The following GULP1 variants were observed in gnomAD, a reference collection of about 807,000 sequenced individuals.
The protein encoded by GULP1 is GULP PTB domain containing engulfment adaptor 1, also known as PTB domain-containing engulfment adapter protein 1.
A neutral mutation model predicts 40.9 loss-of-function variants in GULP1; 19 were observed. The observed-to-expected ratio is 0.46, with a 90% confidence interval of 0.32 to 0.68. The LOEUF is 0.68. Among genes scored for constraint, GULP1 ranks in the 30% least tolerant of loss-of-function variants. The pLI is 0.03. For synonymous variants in GULP1, 119 were observed against 117.6 expected, an observed-to-expected ratio of 1.01 and a Z score of -0.08; for missense variants, 312 against 362.2, an observed-to-expected ratio of 0.86 and a Z score of 1.12.
chr2:188,411,930 A>G (rs1286396925), intron 2 of GULP1, among the ~76,000 whole-genome samples: 3 of 152,154 alleles, frequency 2.0e-5, no homozygotes, highest in African/African-American at 4.8e-5. Context: ...ATTGTGCAGA[A>G]CCATCTGTAA....
At chr2:188,546,381 A>C (rs972559438) in intron 7 of GULP1, among the ~76,000 whole-genome samples, 1 of 152,054 alleles carries the variant, frequency 6.6e-6, no homozygotes, top group Non-Finnish European at 1.5e-5. Flanking sequence ...TTCTCTGACT[A>C]TAAGGAAATC....
At chr2:188,377,188 A>T (rs1350160123) in intron 1 of GULP1, among the ~76,000 whole-genome samples, 1 of 152,138 alleles carries the variant, frequency 6.6e-6, no homozygotes, top group Admixed American at 6.5e-5. Flanking sequence ...AAAAAAAGAA[A>T]GAATTTGAGA....
intron 1 of GULP1, among the ~76,000 whole-genome samples, chr2:188,358,588 A>T (rs1443478010): frequency 5.9e-5 from 9 of 152,134 alleles, no homozygotes; most frequent in Admixed American, 3.9e-4. Context: ...TGTATCATGT[A>T]TTGAAATAGC....
At chr2:188,463,451 C>T (rs1279646817) in intron 2 of GULP1, among the ~76,000 whole-genome samples, 1 of 152,094 alleles carries the variant, frequency 6.6e-6, no homozygotes, top group Non-Finnish European at 1.5e-5. Flanking sequence ...CTTTCTTTAT[C>T]CTTGACCTTT....
At chr2:188,369,524 T>C (rs2047320607) in intron 1 of GULP1, among the ~76,000 whole-genome samples, 1 of 152,066 alleles carries the variant, frequency 6.6e-6, no homozygotes, top group Non-Finnish European at 1.5e-5. Context: ...ACGTAACTAG[T>C]GTGGCTCTTC....
At chr2:188,562,418 T>C (rs1235186238) in intron 7 of GULP1, among the ~76,000 whole-genome samples, 1 of 152,194 alleles carries the variant, frequency 6.6e-6, no homozygotes, top group Non-Finnish European at 1.5e-5. Context: ...CCTTCCTTGC[T>C]TTTGGTGTTT....
chr2:188,456,403 C>G (rs1421211368), intron 2 of GULP1, among the ~76,000 whole-genome samples: 2 of 152,170 alleles, frequency 1.3e-5, no homozygotes, highest in Non-Finnish European at 2.9e-5. Flanking sequence ...TCCATCCCAG[C>G]CGCTCCGCCA....
intron 7 of GULP1, among the ~76,000 whole-genome samples, chr2:188,561,042 C>T (rs1306312026): frequency 1.3e-5 from 2 of 152,200 alleles, no homozygotes; most frequent in Non-Finnish European, 2.9e-5. Context: ...CAGCTATAAA[C>T]AGCATTAGTG....
At chr2:188,296,582 A>AGT (rs71399272) in intron 1 of GULP1, among the ~76,000 whole-genome samples, 88,425 of 151,552 alleles carry the variant, frequency 0.58, 26,398 homozygotes, top group East Asian at 0.9. Flanking sequence ...ACTTAAAAAT[A>AGT]GTTTTGAAAA....
At chr2:188,354,764 C>G (rs2045037116) in intron 1 of GULP1, among the ~76,000 whole-genome samples, 1 of 152,090 alleles carries the variant, frequency 6.6e-6, no homozygotes, top group Non-Finnish European at 1.5e-5. Flanking sequence ...TTAATCAGCA[C>G]ATGAAACATT....
At chr2:188,407,272 A>G (rs559992598) in intron 2 of GULP1, among the ~76,000 whole-genome samples, 1 of 152,376 alleles carries the variant, frequency 6.6e-6, no homozygotes, top group South Asian at 2.1e-4. Context: ...CTCAAAGCTT[A>G]AAGAAAAGGA....
At chr2:188,524,123 A>G (rs1198380894) in intron 5 of GULP1, among the ~76,000 whole-genome samples, 1 of 152,168 alleles carries the variant, frequency 6.6e-6, no homozygotes, top group African/African-American at 2.4e-5. Context: ...CTTCACTACA[A>G]TCAGAATGTT....
chr2:188,498,000 C>T (rs1307024360), intron 4 of GULP1, among the ~76,000 whole-genome samples: 2 of 151,840 alleles, frequency 1.3e-5, no homozygotes, highest in East Asian at 3.9e-4. Flanking sequence ...TCCACACATT[C>T]CAGAGATATC....
chr2:188,392,271 A>G (rs111428290), intron 2 of GULP1, among the ~76,000 whole-genome samples: 28 of 151,072 alleles, frequency 1.9e-4, no homozygotes, highest in Admixed American at 6.0e-4. Context: ...TATGAATTCA[A>G]TTTCACTGCT....
At chr2:188,410,460 T>C (rs2053713355) in intron 2 of GULP1, among the ~76,000 whole-genome samples, 1 of 152,144 alleles carries the variant, frequency 6.6e-6, no homozygotes, top group African/African-American at 2.4e-5. Context: ...AAGGGGTTAA[T>C]AGCCAAATAT....
intron 2 of GULP1, among the ~76,000 whole-genome samples, chr2:188,401,061 C>A (rs73040414): frequency 0.02 from 2,984 of 151,550 alleles, 98 homozygotes; most frequent in African/African-American, 0.068. Flanking sequence ...TGTTCAATAG[C>A]CAGTTGTCTA....
intron 3 of GULP1, among the ~76,000 whole-genome samples, chr2:188,480,164 G>T (rs113960548): frequency 6.6e-6 from 1 of 151,988 alleles, no homozygotes; most frequent in Admixed American, 6.6e-5. Flanking sequence ...TTTAATTTCA[G>T]ATGAAAAACT....
intron 6 of GULP1, among the ~76,000 whole-genome samples, chr2:188,540,160 T>C (rs1231399011): frequency 6.6e-6 from 1 of 152,072 alleles, no homozygotes; most frequent in African/African-American, 2.4e-5. Flanking sequence ...CAGTGTATCT[T>C]AGGAAAATAT....
chr2:188,367,383 T>G (rs1324763795), intron 1 of GULP1, among the ~76,000 whole-genome samples: 2 of 152,138 alleles, frequency 1.3e-5, no homozygotes, highest in African/African-American at 4.8e-5. Context: ...GTCCAAGGTT[T>G]CCCAAGACTA....
Sources: gnomAD v4.1 joint callset for allele counts (sites outside exome capture counted in the v4.1 genomes callset) on GRCh38, gnomAD v4.1.1 for gene constraint, MANE v1.5 for transcripts, NCBI Gene and HGNC (gene_info 2026-07-23, HGNC 2026-07-21) for gene names.